SLC2A11: variants seen among roughly 807,000 people sequenced by gnomAD.
The protein encoded by SLC2A11 is solute carrier family 2, facilitated glucose transporter member 11.
Under a neutral mutation model 52.1 loss-of-function variants are expected in SLC2A11, and 43 were observed. The ratio of observed to expected loss-of-function variants is 0.82; its 90% CI spans 0.65 to 1.06. The LOEUF (loss-of-function observed/expected upper bound fraction) is 1.06. Among genes scored for constraint, SLC2A11 ranks in the 50% least tolerant of loss-of-function variants. SLC2A11 has a pLI of 0.00. For synonymous variants in SLC2A11, 261 were observed against 277.6 expected (o/e 0.94, Z 0.59); for missense variants, 582 against 654.2 (o/e 0.89, Z 1.20).
chr22:23,877,258 G>T, intron 5 of SLC2A11, 87 bp downstream of exon 5: 1 of 1,565,788 alleles, frequency 6.4e-7, no homozygotes, highest in East Asian at 2.2e-5. Context: ...CTACCCACTA[G>T]TAGATTAAAG....
intron 6 of SLC2A11, among the ~76,000 whole-genome samples, chr22:23,879,215 G>C (rs1484390011): frequency 6.6e-6 from 1 of 152,008 alleles, no homozygotes; most frequent in Admixed American, 6.6e-5. Context: ...TCATAGGCAT[G>C]ACGCCATTGT....
upstream of SLC2A11, chr22:23,857,073 T>G (rs192027581): frequency 0.02 from 7,969 of 407,044 alleles, 66 homozygotes; most frequent in African/African-American, 0.038. Flanking sequence ...TGTGTGTGTG[T>G]GGGGGGGGGG....
In SLC2A11 at chr22:23,884,141, C is replaced by T; in HGVS notation, c.1171+117C>T. The T allele has an allele frequency of 1.3e-6, 2 of 1,499,012 alleles. No homozygotes were observed. Among genetic ancestry groups the T allele is most frequent in the South Asian group, 2.5e-5 (2 of 80,810 alleles). 92.9% of individuals were successfully genotyped at this position (1,499,012 alleles called of 1,614,324 possible). A position where few individuals can be genotyped will look rare whatever the true frequency, so the allele number is the denominator to read the frequency against. ...TCCCCTGCAGGCCCTCAGAGACCAC[C>T]TCATGCCGGGGCTTCTGGGAGGGAA... On this transcript the variant is annotated intron_variant, in intron 10 of 11. Coordinates refer to ENST00000316185, the MANE Select transcript of SLC2A11 (RefSeq NM_001024939.4). The surrounding 1 kb of genome is among the most constrained non-coding windows in gnomAD (Gnocchi z 4.3).
At chr22:23,860,111 T>C (rs2031996800) in intron 1 of SLC2A11, among the ~76,000 whole-genome samples, 1 of 152,224 alleles carries the variant, frequency 6.6e-6, no homozygotes, top group Non-Finnish European at 1.5e-5. Flanking sequence ...AAACGTGTCA[T>C]TTTGTAATTA....
Position 23,875,110 on chromosome 22 carries a change from C to T in SLC2A11, c.291-7C>T. 8 of 1,569,256 alleles carry T rather than the reference C, an allele frequency of 5.1e-6. No individual in the cohort carries two copies. The highest frequency in any genetic ancestry group is 6.9e-6 in the Non-Finnish European group (8 of 1,156,754). ...CCTCTCTTTCTGTGTGTTTCACTTC[C>T]CCCAAGGAAGAAGTCCCTCCTGGTG... On this transcript the variant is annotated splice_region_variant and splice_polypyrimidine_tract_variant and intron_variant, in intron 3 of 11. Coordinates refer to ENST00000316185, the MANE Select transcript of SLC2A11 (RefSeq NM_001024939.4).
At position 23,876,955 on chromosome 22, in the gene SLC2A11, C is replaced by T; in HGVS notation, c.416-87C>T. ...GATCCAGTTGAGTGGCTGGACAGTGCTGAGTGGGGCAGGGGAGACAGGCTG... is the reference window on the plus strand; with the variant it reads ...GATCCAGTTGAGTGGCTGGACAGTGTTGAGTGGGGCAGGGGAGACAGGCTG... On this transcript the variant is annotated intron_variant, in intron 4 of 11. Coordinates refer to ENST00000316185, the MANE Select transcript of SLC2A11 (RefSeq NM_001024939.4). The T allele has an allele frequency of 2.5e-6, 4 of 1,600,384 alleles. No homozygotes were observed. The South Asian group carries it at 4.4e-5, about 18-fold the overall frequency.
At position 23,869,949 on chromosome 22, in the gene SLC2A11, T is replaced by A. The variant is rs368557636; in HGVS notation, c.290+1308T>A. The A allele has an allele frequency of 8.1e-4, 578 of 714,760 alleles. 3 individuals are homozygous for A. Among genetic ancestry groups the A allele is most frequent in the East Asian group, 6.4e-3 (237 of 37,156 alleles). The allele number at this position is 714,760 out of a possible 1,614,324, so 44.3% of individuals were successfully genotyped here. A position where few individuals can be genotyped will look rare whatever the true frequency, so the allele number is the denominator to read the frequency against. On this transcript the variant is annotated intron_variant, in intron 3 of 11. Transcript: ENST00000316185. ...TGCCTAGTTCCCTCCAGCCCTTTTA[T>A]AAAGCACTAGTCCCATCAATGAAGG...
chr22:23,868,342 G>A, intron 2 of SLC2A11, 139 bp from the exon 3 acceptor site: 1 of 1,036,734 alleles, frequency 9.6e-7, no homozygotes, highest in South Asian at 1.5e-5. Flanking sequence ...TCCTGCTCCA[G>A]GGGGAGCTCA....
chr22:23,857,699 C>G (rs978825833), upstream of SLC2A11, among the ~76,000 whole-genome samples: 1 of 152,128 alleles, frequency 6.6e-6, no homozygotes, highest in African/African-American at 2.4e-5. Flanking sequence ...GACACTCTAG[C>G]GGCTCTGCGC....
chr22:23,862,790 A>G (rs561925217), intron 2 of SLC2A11, among the ~76,000 whole-genome samples: 110 of 152,024 alleles, frequency 7.2e-4, no homozygotes, highest in African/African-American at 2.4e-3. Context: ...TGCCCAGCTA[A>G]TTTTGTATTT....
chr22:23,858,183 G>A (rs1237948367), intron 1 of SLC2A11, 154 bp downstream of exon 1: 1 of 1,170,812 alleles, frequency 8.5e-7, no homozygotes, highest in Non-Finnish European at 1.3e-6. Flanking sequence ...TAGGTGCTAG[G>A]CTCAGATGTG....
chr22:23,857,985 A>G lies in SLC2A11; in HGVS notation c.-15A>G. 1 of 1,591,968 alleles carries G rather than the reference A, an allele frequency of 6.3e-7. No individual in the cohort carries two copies. The highest frequency in any genetic ancestry group is 8.5e-7 in the Non-Finnish European group (1 of 1,170,424). ...CCCTGGGACAGCAAGACCTCCGCTC[A>G]GGCCCCTCTTTCGAATGCTCCACGC... On this transcript the variant is annotated 5_prime_UTR_variant, in exon 1 of 12. Transcript: ENST00000316185.
At position 23,877,825 on chromosome 22, in the gene SLC2A11, G is replaced by A. The variant is rs949969129; in HGVS notation, c.650G>A (p.Arg217His). 26 of 1,613,394 alleles carry A rather than the reference G, an allele frequency of 1.6e-5. No homozygotes were observed. Among genetic ancestry groups the A allele is most frequent in the African/African-American group, 8.0e-5 (6 of 74,898 alleles). The change falls in exon 6 of 12, where the codon CGC becomes CAC. Residue 217 changes from arginine (R) to histidine (H), a missense_variant. By Grantham distance (29) the Arg-to-His change is conservative (BLOSUM62 0). Transcript: ENST00000316185. ...ASLPLLPESP[R>H]YLLIDCGDTE... ...CTGCCTCTGCTCCCTGAAAGCCCGC[G>A]CTACCTCCTCATTGACTGTGGAGAC... is the stretch of plus-strand genomic sequence containing the variant.
At position 23,884,885 on chromosome 22, in the gene SLC2A11, G is replaced by A. The variant is rs200099627; in HGVS notation, c.*36G>A. The stretch of plus-strand genomic sequence containing the variant: ...GTGGCCAGAGCCAAAGCCAGCTACT[G>A]TCCTGTCCTCTGCTTCCTGCCAGGG... On this transcript the variant is annotated 3_prime_UTR_variant, in exon 12 of 12. Transcript: ENST00000316185. The surrounding 1 kb of genome is among the most constrained non-coding windows in gnomAD (Gnocchi z 4.3). 7 of 1,584,466 alleles carry A rather than the reference G, an allele frequency of 4.4e-6. No homozygotes were observed. The African/African-American group carries it at 6.7e-5, about 15-fold the overall frequency.
chr22:23,858,640 G>A (rs73158772), intron 1 of SLC2A11, among the ~76,000 whole-genome samples: 11,438 of 152,226 alleles, frequency 0.075, 455 homozygotes, highest in Middle Eastern at 0.14. Flanking sequence ...AAGCTGCAGG[G>A]ATCTAATAGG....
rs1388733878 is a variant in SLC2A11 at position 23,862,205 on chromosome 22, A to T, written c.129+3A>T. 1 of 1,613,756 alleles carries T rather than the reference A, an allele frequency of 6.2e-7. No individual in the cohort carries two copies. The highest frequency in any genetic ancestry group is 8.5e-7 in the Non-Finnish European group (1 of 1,179,702). ...CTATCATCAATGCCCCGACCTTGGT[A>T]TGTATCCTCTCTGGGTGGAGACTGT... On this transcript the variant is annotated splice_donor_region_variant and intron_variant, in intron 2 of 11. Coordinates refer to ENST00000316185, the MANE Select transcript of SLC2A11 (RefSeq NM_001024939.4).
chr22:23,880,083 G>A (rs1223406938), intron 6 of SLC2A11, among the ~76,000 whole-genome samples: 1 of 151,618 alleles, frequency 6.6e-6, no homozygotes, highest in African/African-American at 2.4e-5. Flanking sequence ...ATGGTGGCAC[G>A]TACCTGTAGT....
upstream of SLC2A11, chr22:23,857,730 G>A: frequency 7.9e-7 from 1 of 1,259,656 alleles, no homozygotes. Context: ...CTGAGCTTGA[G>A]TCTCAGGCCT....
rs1260279557 is a variant in SLC2A11, at chr22:23,873,576, G to A, written c.291-1541G>A. 3.3e-5 allele frequency among the ~76,000 whole-genome samples: 5 copies of A among 152,172 alleles called. No homozygotes were observed. The East Asian group carries it at 9.6e-4, about 29-fold the overall frequency. The stretch of plus-strand genomic sequence containing the variant: ...CCCCACCTCAGCCTCCAAAAATGCT[G>A]GGATTATAGGCGTGAGCTGCTGCAC... On this transcript the variant is annotated intron_variant, in intron 3 of 11. Coordinates refer to ENST00000316185, the MANE Select transcript of SLC2A11 (RefSeq NM_001024939.4).
Sources: gnomAD v4.1 joint callset for allele counts (sites outside exome capture counted in the v4.1 genomes callset) on GRCh38, gnomAD v4.1.1 for gene constraint, Gnocchi (gnomAD v3.1) non-coding constraint, MANE v1.5 for transcripts, NCBI Gene and HGNC (gene_info 2026-07-23, HGNC 2026-07-21) for gene names.